Variants in COL6A3 observed in about 807,000 individuals in gnomAD.
The protein encoded by COL6A3 is collagen alpha-3(VI) chain.
COL6A3 carries 137 observed loss-of-function variants against 274.1 expected under a neutral mutation model. The ratio of observed to expected loss-of-function variants is 0.50; its 90% CI spans 0.44 to 0.58. The LOEUF is 0.58. COL6A3 is among the 20% of genes least tolerant of loss of function. The probability of loss-of-function intolerance (pLI) is 0.00; values close to 1 mark genes in which losing one functional copy is unlikely to be tolerated. For missense variants in COL6A3, 3,950 were observed against 4,124.9 expected (o/e 0.96, Z 1.16); for synonymous variants, 1,650 against 1,650.6 (o/e 1.00, Z 0.01).
intron 26 of COL6A3, among the ~76,000 whole-genome samples, chr2:237,351,797 A>T (rs2077212320): frequency 6.6e-6 from 1 of 152,242 alleles, no homozygotes. Flanking sequence ...GTCTAAAGAT[A>T]TGTATTTATC....
At chr2:237,332,220 C>T (rs56310758) in intron 42 of COL6A3, among the ~76,000 whole-genome samples, 19,106 of 148,758 alleles carry the variant, frequency 0.13, 1,393 homozygotes, top group African/African-American at 0.19. Flanking sequence ...TTGGACCACA[C>T]ATAAGAGAAT....
At position 237,344,335 on chromosome 2, in the gene COL6A3, G is replaced by C; in HGVS notation, c.7668+15C>G. On this transcript the variant is annotated intron_variant, in intron 36 of 43. Transcript: ENST00000295550. The surrounding 1 kb of genome is among the most constrained non-coding windows in gnomAD (Gnocchi z 4.8). The stretch of plus-strand genomic sequence containing the variant: ...GAAGAAAGGGAGATGCCAACAGCAC[G>C]CACAGAGCACAGACCTGCAAAGCGT... The C allele has an allele frequency of 6.2e-7, 1 of 1,614,110 alleles. No individual in the cohort carries two copies. Among genetic ancestry groups the C allele is most frequent in the Non-Finnish European group, 8.5e-7 (1 of 1,180,026 alleles).
chr2:237,354,247 A>G (rs1574966515), intron 24 of COL6A3, among the ~76,000 whole-genome samples: 1 of 151,520 alleles, frequency 6.6e-6, no homozygotes, highest in African/African-American at 2.4e-5. Flanking sequence ...CGAACTCCCA[A>G]CCTCAGGTGA....
intron 3 of COL6A3, among the ~76,000 whole-genome samples, chr2:237,388,968 G>C (rs1240064228): frequency 2.6e-5 from 4 of 152,110 alleles, no homozygotes; most frequent in Non-Finnish European, 5.9e-5. Context: ...ACTTAATGCA[G>C]AACAATGTTA....
Position 237,366,991 on chromosome 2 carries a change from C to T in COL6A3, c.5196G>A (p.Val1732=). 1.9e-6 allele frequency: 3 copies of T among 1,614,244 alleles called. No homozygotes were observed. Among genetic ancestry groups the T allele is most frequent in the Non-Finnish European group, 1.7e-6 (2 of 1,180,044 alleles). The change falls in exon 11 of 44, where the codon GTG becomes GTA. Residue 1732 remains valine (V), a synonymous_variant. Coordinates refer to ENST00000295550, the MANE Select transcript of COL6A3 (RefSeq NM_004369.4). ...GLEHLRVNHF[V]PEAGSRLDQR... ...GGTCCAGGCGGCTGCCTGCCTCAGG[C>T]ACAAAGTGGTTTACCCGCAGGTGCT...
intron 23 of COL6A3, among the ~76,000 whole-genome samples, chr2:237,356,510 G>C (rs369624143): frequency 1.3e-5 from 2 of 152,072 alleles, no homozygotes; most frequent in African/African-American, 4.8e-5. Flanking sequence ...TCACCCCAGC[G>C]AACTCTACTG....
At chr2:237,351,659 A>C (rs373426995) in intron 26 of COL6A3, among the ~76,000 whole-genome samples, 1 of 152,240 alleles carries the variant, frequency 6.6e-6, no homozygotes, top group African/African-American at 2.4e-5. Flanking sequence ...ATAACATAAA[A>C]GAGATGGTGA....
intron 41 of COL6A3, 109 bp downstream of exon 41, chr2:237,334,517 G>C: frequency 8.0e-7 from 1 of 1,250,142 alleles, no homozygotes; most frequent in Non-Finnish European, 1.1e-6. Flanking sequence ...GTTGTTTTTT[G>C]AATTTGTGGT....
intron 6 of COL6A3, 132 bp from the exon 7 acceptor site, chr2:237,377,476 G>T: frequency 1.2e-6 from 1 of 844,728 alleles, no homozygotes; most frequent in Non-Finnish European, 1.9e-6. Context: ...AGCAAGAGAA[G>T]AGAAAACCCA....
At chr2:237,329,693 C>A (rs1267518238) in intron 42 of COL6A3, 1 of 152,146 alleles carries the variant, frequency 6.6e-6, no homozygotes, top group Non-Finnish European at 1.5e-5. Context: ...CATGGCCAAC[C>A]AAATACTGTA....
At chr2:237,355,176 T>A in intron 23 of COL6A3, 1 of 497,410 alleles carries the variant, frequency 2.0e-6, no homozygotes. Context: ...CTCCTGTTAA[T>A]CACCCAATGG....
chr2:237,334,189 C>CT (rs1700408802), intron 41 of COL6A3, among the ~76,000 whole-genome samples: 1 of 152,188 alleles, frequency 6.6e-6, no homozygotes, highest in South Asian at 2.1e-4. Flanking sequence ...CCTCCACCCC[C>CT]GGGGCGGTGA....
At chr2:237,343,040 G>T (rs565474591) in intron 36 of COL6A3, 2 of 152,216 alleles carry the variant, frequency 1.3e-5, no homozygotes, top group East Asian at 1.9e-4. Flanking sequence ...AATCTGAGAC[G>T]CAGGGACGCT....
rs1361475786 is a variant in COL6A3 at position 237,366,877 on chromosome 2, C to T, written c.5310G>A (p.Gly1770=). The T allele has an allele frequency of 6.2e-7, 1 of 1,614,252 alleles. No homozygotes were observed. The highest frequency in any genetic ancestry group is 8.5e-7 in the Non-Finnish European group (1 of 1,180,042). ...QDVSLALTQR[G]VKVFAVGVRN... The stretch of plus-strand genomic sequence containing the variant: ...TCACTCCAACAGCAAACACTTTGAC[C>T]CCCCTCTGGGTGAGGGCCAGGCTCA... Residue 1770 remains glycine, a synonymous_variant, in exon 11 of 44, where the codon GGG becomes GGA. Coordinates refer to ENST00000295550, the MANE Select transcript of COL6A3 (RefSeq NM_004369.4).
Position 237,368,599 on chromosome 2 carries a change from G to T in COL6A3, c.4864C>A (p.Pro1622Thr). The change falls in exon 10 of 44, where the codon CCT (proline) becomes ACT (threonine). Residue 1622 changes from proline to threonine, a missense_variant. Coordinates refer to ENST00000295550, the MANE Select transcript of COL6A3 (RefSeq NM_004369.4). The surrounding 1 kb of genome is among the most constrained non-coding windows in gnomAD (Gnocchi z 4.4). Reference sequence around the variant, plus strand: ...GGAGGAGGGGTGTCCACCCCTGGAGGTGCAGGAGTGGCTGCGGAGGGTCCA... The same window carrying T: ...GGAGGAGGGGTGTCCACCCCTGGAGTTGCAGGAGTGGCTGCGGAGGGTCCA... ...SFGPSAATPA[P>T]PGVDTPPPSR... 1 of 1,614,154 alleles carries T rather than the reference G, an allele frequency of 6.2e-7. No homozygotes were observed. The highest frequency in any genetic ancestry group is 8.5e-7 in the Non-Finnish European group (1 of 1,180,016).
At chr2:237,410,831 A>G (rs2078838977) in intron 1 of COL6A3, among the ~76,000 whole-genome samples, 1 of 152,154 alleles carries the variant, frequency 6.6e-6, no homozygotes, top group Non-Finnish European at 1.5e-5. Context: ...GAATTTTTAC[A>G]CTGAATTCCA....
In COL6A3 at chr2:237,371,747, G is replaced by C. The variant is rs768522226; in HGVS notation, c.4270C>G (p.Arg1424Gly). 1.2e-6 allele frequency: 2 copies of C among 1,601,564 alleles called. No individual in the cohort carries two copies. Among genetic ancestry groups the C allele is most frequent in the Admixed American group, 3.4e-5 (2 of 59,028 alleles). ...CCCATCTCACCTGGAGGTGGATAGC[G>C]AGTGCTGGCTAAGAGCTTCTGGATC... is the stretch of plus-strand genomic sequence containing the variant. Reference protein sequence around the residue: ...EQIQKLLASTRYPPPAVESDA... With the variant: ...EQIQKLLASTGYPPPAVESDA... The change falls in exon 9 of 44, where the codon CGC becomes GGC. Residue 1424 changes from arginine to glycine, a missense_variant. Arg to Gly is a moderately radical substitution (Grantham distance 125). Coordinates refer to ENST00000295550, the MANE Select transcript of COL6A3 (RefSeq NM_004369.4). The surrounding 1 kb of genome is among the most constrained non-coding windows in gnomAD (Gnocchi z 4.3).
chr2:237,362,730 G>C (rs2077464951), intron 14 of COL6A3, among the ~76,000 whole-genome samples: 1 of 152,180 alleles, frequency 6.6e-6, no homozygotes, highest in Non-Finnish European at 1.5e-5. Context: ...CTAAACCCAG[G>C]AGGTCACACC....
chr2:237,369,745 G>T (rs917156627), intron 9 of COL6A3, among the ~76,000 whole-genome samples: 1 of 152,164 alleles, frequency 6.6e-6, no homozygotes, highest in Non-Finnish European at 1.5e-5. Flanking sequence ...TGCTCCCCAG[G>T]CATTTGTGCC....
Sources: allele counts gnomAD v4.1 joint callset (sites outside exome capture counted in the v4.1 genomes callset), GRCh38; gene constraint gnomAD v4.1.1; non-coding constraint Gnocchi (gnomAD v3.1); transcripts MANE v1.5; gene names NCBI Gene and HGNC (gene_info 2026-07-23, HGNC 2026-07-21).